The following ELAPOR2 variants were observed in gnomAD, a reference collection of about 807,000 sequenced individuals.
The protein encoded by ELAPOR2 is endosome/lysosome-associated apoptosis and autophagy regulator family member 2.
ELAPOR2 carries 89 observed loss-of-function variants against 120.7 expected under a neutral mutation model. The observed-to-expected ratio is 0.74, with a 90% CI of 0.62 to 0.88. The LOEUF is 0.88. Ranked by LOEUF, ELAPOR2 falls within the 40% of genes least tolerant of loss-of-function variation. The pLI is 0.00. For missense variants in ELAPOR2, 1,134 were observed against 1,251.6 expected, an observed-to-expected ratio of 0.91 and a Z score of 1.42; for synonymous variants, 444 against 444.9, an observed-to-expected ratio of 1.00 and a Z score of 0.03.
chr7:86,961,479 T>A (rs1347066126), intron 2 of ELAPOR2, among the ~76,000 whole-genome samples: 1 of 152,216 alleles, frequency 6.6e-6, no homozygotes, highest in Non-Finnish European at 1.5e-5. Flanking sequence ...GTAAAGGAAC[T>A]CTCTCCCTAC....
Position 86,893,017 on chromosome 7 carries a change from C to T in ELAPOR2, c.2769G>A (p.Thr923=), listed in dbSNP as rs1266886138. 28 of 1,585,614 alleles carry T rather than the reference C, an allele frequency of 1.8e-5. No individual in the cohort carries two copies. The highest frequency in any genetic ancestry group is 1.5e-4 in the South Asian group (13 of 85,938). Reference sequence around the variant, plus strand: ...CTCCCACCTTCAGCCAAAAGTCAACCGTTTCACAGGTTGCCAACTTTTTCT... The same window carrying T: ...CTCCCACCTTCAGCCAAAAGTCAACTGTTTCACAGGTTGCCAACTTTTTCT... ...LPEKKLATCE[T]VDFWLKVGAG... The change falls in exon 20 of 22, where the codon ACG becomes ACA. Residue 923 remains threonine (T), a synonymous_variant. Coordinates refer to ENST00000450689, the MANE Select transcript of ELAPOR2 (RefSeq NM_001142749.3).
At chr7:86,893,258 T>G (rs1228078589) in intron 19 of ELAPOR2, among the ~76,000 whole-genome samples, 158 bp from the exon 20 acceptor site, 1 of 151,968 alleles carries the variant, frequency 6.6e-6, no homozygotes, top group Non-Finnish European at 1.5e-5. Context: ...TATTCAGCAT[T>G]CATTTAATAA....
intron 21 of ELAPOR2, among the ~76,000 whole-genome samples, chr7:86,882,577 T>C (rs147669676): frequency 7.6e-4 from 115 of 152,284 alleles, no homozygotes; most frequent in African/African-American, 2.7e-3. Flanking sequence ...CATGTGTATA[T>C]AATTAGGTAG....
At chr7:87,056,100 T>C (rs1795253960) in intron 1 of ELAPOR2, among the ~76,000 whole-genome samples, 1 of 152,212 alleles carries the variant, frequency 6.6e-6, no homozygotes, top group South Asian at 2.1e-4. Flanking sequence ...CATTAAGTCC[T>C]ATTATTCACT....
chr7:86,931,673 T>A (rs1790334785), intron 8 of ELAPOR2, among the ~76,000 whole-genome samples: 1 of 148,526 alleles, frequency 6.7e-6, no homozygotes, highest in South Asian at 2.1e-4. Context: ...GGCTTAGAGA[T>A]TTTTTTTTTA....
In ELAPOR2 at chr7:86,967,924, C is replaced by A. The variant is rs545670352; in HGVS notation, c.190-2900G>T. 5.0e-4 allele frequency among the ~76,000 whole-genome samples: 76 copies of A among 152,182 alleles called. 1 individual carries two copies. In the South Asian group the frequency reaches 0.013, roughly 26 times the overall value. On this transcript the variant is annotated intron_variant, in intron 1 of 21. Coordinates refer to ENST00000450689, the MANE Select transcript of ELAPOR2 (RefSeq NM_001142749.3). ...ATGCAAACCTATTTCATGCAGAGGGCAGACCTTGGGGTCAGGGATTTAGAT... is the reference window on the plus strand; with the variant it reads ...ATGCAAACCTATTTCATGCAGAGGGAAGACCTTGGGGTCAGGGATTTAGAT...
rs1790022340 is a variant in ELAPOR2 at position 86,925,452 on chromosome 7, T to C, written c.1399+76A>G. ...GTTCCTCATACCCATACTTGGTATG[T>C]TTTAGAGAGCTAAGTTCAAGAATGA... On this transcript the variant is annotated intron_variant, in intron 10 of 21. Transcript: ENST00000450689. 1.0e-5 allele frequency: 15 copies of C among 1,501,130 alleles called. No individual in the cohort carries two copies. The East Asian group carries it at 3.2e-4, about 32-fold the overall frequency. 93.0% of individuals were successfully genotyped at this position (1,501,130 alleles called of 1,614,324 possible). A position where few individuals can be genotyped will look rare whatever the true frequency, so the allele number is the denominator to read the frequency against.
At chr7:87,059,171 C>G (rs925976059) in intron 1 of ELAPOR2, among the ~76,000 whole-genome samples, 154 bp downstream of exon 1, 1 of 151,902 alleles carries the variant, frequency 6.6e-6, no homozygotes, top group East Asian at 1.9e-4. Context: ...GCTACCAGGG[C>G]GGGCAACTTC....
At chr7:86,925,934 C>T (rs1190125504) in intron 9 of ELAPOR2, among the ~76,000 whole-genome samples, 5 of 151,968 alleles carry the variant, frequency 3.3e-5, no homozygotes, top group Non-Finnish European at 7.4e-5. Context: ...TCCTTCACAT[C>T]TGGGAGTAGC....
At chr7:87,039,532 A>G (rs1175317904) in intron 1 of ELAPOR2, among the ~76,000 whole-genome samples, 1 of 152,216 alleles carries the variant, frequency 6.6e-6, no homozygotes, top group Non-Finnish European at 1.5e-5. Flanking sequence ...AATGAATTCA[A>G]CAACACATTA....
chr7:86,933,637 C>T (rs1584366917), intron 8 of ELAPOR2, among the ~76,000 whole-genome samples: 1 of 151,956 alleles, frequency 6.6e-6, no homozygotes, highest in South Asian at 2.1e-4. Context: ...TGTTTACCGC[C>T]GATTTCTGGA....
intron 1 of ELAPOR2, among the ~76,000 whole-genome samples, chr7:87,006,256 TTTAA>T (rs1188532044): frequency 3.3e-5 from 5 of 152,122 alleles, no homozygotes; most frequent in Non-Finnish European, 7.4e-5. Flanking sequence ...CATTTAATAA[TTTAA>T]TTAATCAATT....
At chr7:86,977,658 G>A (rs1792325792) in intron 1 of ELAPOR2, among the ~76,000 whole-genome samples, 2 of 152,086 alleles carry the variant, frequency 1.3e-5, no homozygotes, top group Non-Finnish European at 2.9e-5. Flanking sequence ...CCTCAGCTTT[G>A]TCTGTTTTCC....
rs1793049660 is a variant in ELAPOR2 at position 86,994,248 on chromosome 7, AAAC to A, written c.190-29227_190-29225del. Among the ~76,000 whole-genome samples, 5 of 152,338 alleles carry A rather than the reference AAAC, an allele frequency of 3.3e-5. No individual in the cohort carries two copies. The South Asian group carries it at 1.0e-3, about 32-fold the overall frequency. ...TGAGATGCCCACTTGAGAAATGAAG[AAAC>A]AACATTAGAGTTTCCTTTCTTCCAA... On this transcript the variant is annotated intron_variant, in intron 1 of 21. Coordinates refer to ENST00000450689, the MANE Select transcript of ELAPOR2 (RefSeq NM_001142749.3).
chr7:86,893,347 G>A (rs1452517918), intron 19 of ELAPOR2, among the ~76,000 whole-genome samples: 1 of 151,854 alleles, frequency 6.6e-6, no homozygotes, highest in Non-Finnish European at 1.5e-5. Flanking sequence ...ACCAAATAAA[G>A]ACATGGATTG....
chr7:86,893,310 A>C (rs944702640), intron 19 of ELAPOR2, among the ~76,000 whole-genome samples: 6 of 152,090 alleles, frequency 3.9e-5, no homozygotes, highest in Non-Finnish European at 8.8e-5. Context: ...TGAATGAATA[A>C]GGAATTAATG....
At chr7:86,940,308 G>A (rs1003842118) in intron 5 of ELAPOR2, among the ~76,000 whole-genome samples, 193 bp from the exon 6 acceptor site, 1 of 151,982 alleles carries the variant, frequency 6.6e-6, no homozygotes, top group African/African-American at 2.4e-5. Flanking sequence ...AATGGAGTTT[G>A]CTAATCCACA....
At chr7:86,954,717 T>C (rs1213941848) in intron 2 of ELAPOR2, among the ~76,000 whole-genome samples, 3 of 152,114 alleles carry the variant, frequency 2.0e-5, no homozygotes, top group African/African-American at 7.2e-5. Context: ...TAATCCATCT[T>C]GTCAGTTAAT....
chr7:86,904,412 T>C (rs1788872340), intron 18 of ELAPOR2, among the ~76,000 whole-genome samples: 1 of 152,206 alleles, frequency 6.6e-6, no homozygotes, highest in Non-Finnish European at 1.5e-5. Flanking sequence ...TAGGGGCATC[T>C]ATTAATATTT....
Sources: allele counts gnomAD v4.1 joint callset (sites outside exome capture counted in the v4.1 genomes callset), GRCh38; gene constraint gnomAD v4.1.1; transcripts MANE v1.5; gene names NCBI Gene and HGNC (gene_info 2026-07-23, HGNC 2026-07-21).